Variants in TMOD4 observed in about 807,000 individuals in gnomAD.
The protein encoded by TMOD4 is tropomodulin-4.
A neutral mutation model predicts 45.4 loss-of-function variants in TMOD4; 34 were observed. The observed-to-expected ratio is 0.75, with a 90% CI of 0.57 to 1.00. The LOEUF (loss-of-function observed/expected upper bound fraction) is 1.00, where lower values mean the gene tolerates loss of function less well. Among genes scored for constraint, TMOD4 ranks in the 50% least tolerant of loss-of-function variants. The pLI is 0.00. For synonymous variants in TMOD4, 131 were observed against 153.9 expected (o/e 0.85, Z 1.10); for missense variants, 399 against 437.5 (o/e 0.91, Z 0.78).
Position 151,171,618 on chromosome 1 carries a change from A to T in TMOD4, c.618+15T>A. ...GTTATCCGGTGTTATGGTTTGGAGG[A>T]TGCAAGTCAAATACCTGTATATTAT... On this transcript the variant is annotated intron_variant, in intron 6 of 9. Coordinates refer to ENST00000295314, the MANE Select transcript of TMOD4 (RefSeq NM_013353.3). 4 of 1,614,106 alleles carry T rather than the reference A, an allele frequency of 2.5e-6. No individual in the cohort carries two copies. The highest frequency in any genetic ancestry group is 3.4e-6 in the Non-Finnish European group (4 of 1,180,010).
rs771683085 is a variant in TMOD4 at position 151,171,044 on chromosome 1, C to T, written c.746G>A (p.Arg249His). ...TAGGCTCTGGAGGCTACGATTCTCA[C>T]GCAACATGTCAGCCACTGCCTGGGT... Reference protein sequence around the residue: ...PIANAVADMLRENRSLQSLNI... With the variant: ...PIANAVADMLHENRSLQSLNI... The change falls in exon 8 of 10, where the codon CGT (arginine) becomes CAT (histidine). Residue 249 changes from arginine to histidine, a missense_variant. Arg to His is a conservative substitution (Grantham distance 29, BLOSUM62 0). Transcript: ENST00000295314. 69 of 1,613,990 alleles carry T rather than the reference C, an allele frequency of 4.3e-5. No homozygotes were observed. The highest frequency in any genetic ancestry group is 9.9e-5 in the South Asian group (9 of 91,084).
intron 2 of TMOD4, 45 bp from the exon 3 acceptor site, chr1:151,174,592 CTAGG>C: frequency 1.2e-6 from 2 of 1,606,896 alleles, no homozygotes; most frequent in African/African-American, 2.7e-5. Flanking sequence ...CCCCTCTGAC[CTAGG>C]TACTGCTAGG....
rs371951346 is a variant in TMOD4, at chr1:151,170,953, A to G, written c.837T>C (p.Asn279=). The G allele has an allele frequency of 1.1e-5, 17 of 1,614,058 alleles. No individual in the cohort carries two copies. The African/African-American group carries it at 2.3e-4, about 22-fold the overall frequency. The part of the protein sequence containing the change: ...LMAVLKAVRE[N]ATLTELRVDN... ...CTACACGGAGCTCAGTGAGTGTGGC[A>G]TTTTCCCGAACTGCCTTCAGCACAG... The change falls in exon 8 of 10, where the codon AAT becomes AAC. Residue 279 remains asparagine, a synonymous_variant. Coordinates refer to ENST00000295314, the MANE Select transcript of TMOD4 (RefSeq NM_013353.3).
chr1:151,170,339 A>G lies in TMOD4; in HGVS notation c.1015+180T>C, dbSNP rs587625384. 7.8e-5 allele frequency: 74 copies of G among 946,676 alleles called. 1 individual carries two copies. The Middle Eastern group carries it at 3.5e-3, about 45-fold the overall frequency. The allele number at this position is 946,676 out of a possible 1,614,324, so 58.6% of individuals were successfully genotyped here. ...ATCCTTTCTACCTCTCTACTGGTCC[A>G]TATTTGGGGCAGGGGGAGTTTTCTG... On this transcript the variant is annotated intron_variant, in intron 9 of 9. Transcript: ENST00000295314.
Position 151,170,965 on chromosome 1 carries a change from T to C in TMOD4, c.825A>G (p.Ala275=). The C allele has an allele frequency of 1.2e-6, 2 of 1,614,222 alleles. No homozygotes were observed. Among genetic ancestry groups the C allele is most frequent in the Non-Finnish European group, 1.7e-6 (2 of 1,180,044 alleles). ...SSTGLMAVLK[A]VRENATLTEL... is the part of the protein sequence containing the mutation. ...CAGTGAGTGTGGCATTTTCCCGAACTGCCTTCAGCACAGCCATGAGTCCTG... is the reference window on the plus strand; with the variant it reads ...CAGTGAGTGTGGCATTTTCCCGAACCGCCTTCAGCACAGCCATGAGTCCTG... Residue 275 remains alanine (A), a synonymous_variant, in exon 8 of 10, where the codon GCA becomes GCG. Transcript: ENST00000295314.
At chr1:151,172,155 T>A in intron 5 of TMOD4, 113 bp downstream of exon 5, 1 of 889,432 alleles carries the variant, frequency 1.1e-6, no homozygotes, top group Non-Finnish European at 1.8e-6. Context: ...TTCTTATCAC[T>A]CATGCAGCAT....
intron 3 of TMOD4, 32 bp from the exon 4 acceptor site, chr1:151,173,647 A>G: frequency 3.2e-6 from 5 of 1,555,588 alleles, no homozygotes; most frequent in Non-Finnish European, 4.4e-6. Context: ...GCTCAGGTAG[A>G]GGTAATTTCT....
intron 9 of TMOD4, 93 bp downstream of exon 9, chr1:151,170,426 C>G: frequency 6.4e-7 from 1 of 1,561,098 alleles, no homozygotes; most frequent in Non-Finnish European, 8.7e-7. Flanking sequence ...TGGTAGCACC[C>G]TGGGCTGTTA....
At chr1:151,173,431 GTC>G (rs1684014761) in intron 4 of TMOD4, 66 bp downstream of exon 4, 1 of 1,203,814 alleles carries the variant, frequency 8.3e-7, no homozygotes, top group Non-Finnish European at 1.2e-6. Flanking sequence ...TTCCTCACTA[GTC>G]CCATGTCATG....
At chr1:151,171,118 G>A in intron 7 of TMOD4, 55 bp from the exon 8 acceptor site, 1 of 1,582,700 alleles carries the variant, frequency 6.3e-7, no homozygotes, top group Non-Finnish European at 8.6e-7. Flanking sequence ...GATGACTGAG[G>A]AAAGAAAGAA....
intron 1 of TMOD4, 94 bp downstream of exon 1, chr1:151,175,830 G>A: frequency 6.6e-6 from 1 of 152,194 alleles, no homozygotes; most frequent in Non-Finnish European, 1.5e-5. Context: ...ACAGAGACAG[G>A]GACACACTCC....
chr1:151,172,226 C>G lies in TMOD4; in HGVS notation c.487+42G>C. 6 of 1,515,816 alleles carry G rather than the reference C, an allele frequency of 4.0e-6. No individual in the cohort carries two copies. In the South Asian group the frequency reaches 6.7e-5, roughly 17 times the overall value. The allele number at this position is 1,515,816 out of a possible 1,614,324, so 93.9% of individuals were successfully genotyped here. Reference sequence around the variant, plus strand: ...ACCTTCTCCCAGACACTAGGACTGCCTGCCCAGAGCCCTGGGGACCATGCT... The same window carrying G: ...ACCTTCTCCCAGACACTAGGACTGCGTGCCCAGAGCCCTGGGGACCATGCT... On this transcript the variant is annotated intron_variant, in intron 5 of 9. Transcript: ENST00000295314.
At position 151,174,828 on chromosome 1, in the gene TMOD4, T is replaced by C; in HGVS notation, c.48A>G (p.Glu16=). 1 of 1,614,214 alleles carries C rather than the reference T, an allele frequency of 6.2e-7. No individual in the cohort carries two copies. The highest frequency in any genetic ancestry group is 8.5e-7 in the Non-Finnish European group (1 of 1,180,040). ...KELEKYRDID[E]DEILRTLSPE... The stretch of plus-strand genomic sequence containing the variant: ...GGCTCAAGGTCCTTAGGATCTCATC[T>C]TCATCTATGTCTCTGTATTTCTCCA... Residue 16 remains glutamate, a synonymous_variant, in exon 2 of 10, where the codon GAA becomes GAG. Coordinates refer to ENST00000295314, the MANE Select transcript of TMOD4 (RefSeq NM_013353.3).
At position 151,174,793 on chromosome 1, in the gene TMOD4, AGC is replaced by A; in HGVS notation, c.81_82del (p.Glu27AspfsTer14). ...CTGTAGTTCGCAGTCCAGCTGCTCT[AGC>A]TCCTCGGGGCTCAAGGTCCTTAGGA... On this transcript the variant is annotated frameshift_variant, in exon 2 of 10. Coordinates refer to ENST00000295314, the MANE Select transcript of TMOD4 (RefSeq NM_013353.3). LOFTEE classifies it high-confidence loss of function. 1 of 1,614,110 alleles carries A rather than the reference AGC, an allele frequency of 6.2e-7. No individual in the cohort carries two copies. The highest frequency in any genetic ancestry group is 8.5e-7 in the Non-Finnish European group (1 of 1,180,022).
chr1:151,171,727 TC>T lies in TMOD4; in HGVS notation c.523del (p.Asp175MetfsTer13), dbSNP rs1419290052. 6.2e-7 allele frequency: 1 copy of T among 1,614,132 alleles called. No individual in the cohort carries two copies. The highest frequency in any genetic ancestry group is 1.7e-5 in the Admixed American group (1 of 60,008). The stretch of plus-strand genomic sequence containing the variant: ...AATGTTTGTGGGATTTGGGGGTTCA[TC>T]CGGCACTGGCTTATACTTGTCAGGC... ...VQPDKYKPVP[D>X]EPPNPTNIEE... On this transcript the variant is annotated frameshift_variant, in exon 6 of 10. Coordinates refer to ENST00000295314, the MANE Select transcript of TMOD4 (RefSeq NM_013353.3). LOFTEE classifies it high-confidence loss of function.
In TMOD4 at chr1:151,174,771, TAGTTCGC is replaced by T. The variant is rs868726402; in HGVS notation, c.98_104del (p.Cys33TyrfsTer15). ...CCCCTACCTCAGGATCCATCTCCTG[TAGTTCGC>T]AGTCCAGCTGCTCTAGCTCCTCGGG... On this transcript the variant is annotated frameshift_variant, in exon 2 of 10. Coordinates refer to ENST00000295314, the MANE Select transcript of TMOD4 (RefSeq NM_013353.3). LOFTEE classifies it high-confidence loss of function. 2 of 1,613,998 alleles carry T rather than the reference TAGTTCGC, an allele frequency of 1.2e-6. No individual in the cohort carries two copies. Among genetic ancestry groups the T allele is most frequent in the Non-Finnish European group, 1.7e-6 (2 of 1,180,026 alleles).
rs760127729 is a variant in TMOD4, at chr1:151,173,565, T to G, written c.331A>C (p.Thr111Pro). ...GCCTCCTCCAGCTCAGGCTCCAGGG[T>G]GATCTGCTCCTCTGCTGGGATTTCC... ...KREIPAEEQI[T>P]LEPELEEALA... The change falls in exon 4 of 10, where the codon ACC becomes CCC. Residue 111 changes from threonine to proline, a missense_variant. Thr to Pro is a conservative substitution (Grantham distance 38, BLOSUM62 -1). Coordinates refer to ENST00000295314, the MANE Select transcript of TMOD4 (RefSeq NM_013353.3). 6.2e-7 allele frequency: 1 copy of G among 1,614,204 alleles called. No homozygotes were observed. The highest frequency in any genetic ancestry group is 8.5e-7 in the Non-Finnish European group (1 of 1,180,030).
intron 3 of TMOD4, among the ~76,000 whole-genome samples, chr1:151,173,938 G>A (rs1363043075): frequency 4.6e-5 from 7 of 151,894 alleles, no homozygotes; most frequent in Non-Finnish European, 5.9e-5. Context: ...ATTAGCGGCC[G>A]GGCACGGTGG....
chr1:151,170,887 T>C (rs1683931819), intron 8 of TMOD4, 33 bp downstream of exon 8: 4 of 1,610,704 alleles, frequency 2.5e-6, no homozygotes, highest in Non-Finnish European at 3.4e-6. Flanking sequence ...TCAATGAGAC[T>C]GAATGCTAAC....
Sources: allele counts gnomAD v4.1 joint callset (sites outside exome capture counted in the v4.1 genomes callset), GRCh38; gene constraint gnomAD v4.1.1; transcripts MANE v1.5; gene names NCBI Gene and HGNC (gene_info 2026-07-23, HGNC 2026-07-21).